Variants in MEGF6 observed in about 807,000 individuals in gnomAD.
The protein encoded by MEGF6 is multiple EGF like domains 6, also known as multiple epidermal growth factor-like domains protein 6.
MEGF6 carries 184 observed loss-of-function variants against 207.1 expected under a neutral mutation model. The ratio of observed to expected loss-of-function variants is 0.89; its 90% CI spans 0.79 to 1.00. MEGF6 has a LOEUF of 1.00. MEGF6 is among the 50% of genes least tolerant of loss of function. The probability of loss-of-function intolerance (pLI) is 0.00; values close to 1 mark genes in which losing one functional copy is unlikely to be tolerated. For synonymous variants in MEGF6, 1,038 were observed against 910.0 expected, an observed-to-expected ratio of 1.14 and a Z score of -2.53; for missense variants, 2,282 against 2,202.9, an observed-to-expected ratio of 1.04 and a Z score of -0.72.
chr1:3,499,106 C>T (rs1265680714), intron 24 of MEGF6, 32 bp downstream of exon 24: 5 of 1,595,380 alleles, frequency 3.1e-6, no homozygotes, highest in South Asian at 2.3e-5. Context: ...CAGGCCTGGA[C>T]CCCGGTCCCT....
rs187800202 is a variant in MEGF6 at position 3,508,373 on chromosome 1, A to G, written c.1660+185T>C. ...TACTGCCTGGAACAGTGCGTGGCAT[A>G]GAGTGGACAGTCAGGGGATGTTTAT... On this transcript the variant is annotated intron_variant, in intron 13 of 36. Transcript: ENST00000356575. Among the ~76,000 whole-genome samples the G allele has an allele frequency of 1.8e-4, 28 of 152,316 alleles. No homozygotes were observed. In the East Asian group the frequency reaches 3.9e-3, roughly 21 times the overall value.
chr1:3,542,986 G>C (rs1410859792), intron 4 of MEGF6, among the ~76,000 whole-genome samples: 1 of 152,184 alleles, frequency 6.6e-6, no homozygotes, highest in Non-Finnish European at 1.5e-5. Context: ...GGGCCTGGGA[G>C]GAGGGTGGGC....
In MEGF6 at chr1:3,490,187, C is replaced by A. The variant is rs182917441; in HGVS notation, c.*341G>T. The A allele has an allele frequency of 1.4e-3, 503 of 369,944 alleles. 1 individual carries two copies. Among genetic ancestry groups the A allele is most frequent in the Middle Eastern group, 2.8e-3 (4 of 1,404 alleles). The allele number at this position is 369,944 out of a possible 1,614,324, so 22.9% of individuals were successfully genotyped here. A position where few individuals can be genotyped will look rare whatever the true frequency, so the allele number is the denominator to read the frequency against. On this transcript the variant is annotated 3_prime_UTR_variant, in exon 37 of 37. Coordinates refer to ENST00000356575, the MANE Select transcript of MEGF6 (RefSeq NM_001409.4). ...GACAGTGGCCCTGTGCCTGCACCTG[C>A]GCCTGCACCCACACTGGCGCCCACA...
intron 3 of MEGF6, among the ~76,000 whole-genome samples, chr1:3,581,898 T>G (rs1643805830): frequency 6.6e-6 from 1 of 152,124 alleles, no homozygotes; most frequent in Admixed American, 6.5e-5. Flanking sequence ...CACCACCCTG[T>G]GTCCCTCCCC....
Position 3,519,806 on chromosome 1 carries a change from G to T in MEGF6, c.605-4279C>A, listed in dbSNP as rs184245360. Among the ~76,000 whole-genome samples the T allele has an allele frequency of 6.6e-5, 10 of 152,366 alleles. No individual in the cohort carries two copies. The South Asian group carries it at 1.0e-3, about 16-fold the overall frequency. Reference sequence around the variant, plus strand: ...AAGGAACCAAGGGGCCAGGGGAGGGGGTCTATGCAGCCTCTCACTGCTGTG... The same window carrying T: ...AAGGAACCAAGGGGCCAGGGGAGGGTGTCTATGCAGCCTCTCACTGCTGTG... On this transcript the variant is annotated intron_variant, in intron 5 of 36. Transcript: ENST00000356575.
chr1:3,603,347 C>T (rs114722427), intron 1 of MEGF6, among the ~76,000 whole-genome samples: 1,874 of 152,160 alleles, frequency 0.012, 28 homozygotes, highest in Non-Finnish European at 0.013. Flanking sequence ...GACAGCCACA[C>T]GGGCCAGCAC....
chr1:3,555,638 C>T (rs1643012203), intron 4 of MEGF6, among the ~76,000 whole-genome samples: 2 of 152,212 alleles, frequency 1.3e-5, no homozygotes, highest in Admixed American at 1.3e-4. Context: ...GGGAGCTGAA[C>T]CCGTCAGTGA....
At chr1:3,533,293 G>A (rs1376104877) in intron 4 of MEGF6, among the ~76,000 whole-genome samples, 2 of 152,190 alleles carry the variant, frequency 1.3e-5, no homozygotes, top group Admixed American at 1.3e-4. Flanking sequence ...CTGCAGAAAT[G>A]GGCCTGCCTG....
chr1:3,579,844 C>T lies in MEGF6; in HGVS notation c.462G>A (p.Gln154=). Residue 154 remains glutamine, a synonymous_variant, in exon 4 of 37, where the codon CAG becomes CAA. Transcript: ENST00000356575. The stretch of plus-strand genomic sequence containing the variant: ...ACTCACCATACTGACAGCGGGGTCC[C>T]TGGAAGCCGGGGGGACAGTGACACG... ...AQPCHCPPGF[Q]GPRCQYDVDE... is the part of the protein sequence containing the mutation. 2 of 1,531,114 alleles carry T rather than the reference C, an allele frequency of 1.3e-6. No homozygotes were observed. The highest frequency in any genetic ancestry group is 2.3e-5 in the Admixed American group (1 of 43,636). The allele number at this position is 1,531,114 out of a possible 1,614,324, so 94.8% of individuals were successfully genotyped here. A position where few individuals can be genotyped will look rare whatever the true frequency, so the allele number is the denominator to read the frequency against.
rs1356229432 is a variant in MEGF6 at position 3,565,500 on chromosome 1, G to A, written c.481+14325C>T. 6.6e-6 allele frequency among the ~76,000 whole-genome samples: 1 copy of A among 152,212 alleles called. No homozygotes were observed. The highest frequency in any genetic ancestry group is 1.5e-5 in the Non-Finnish European group (1 of 68,020). On this transcript the variant is annotated intron_variant, in intron 4 of 36. Coordinates refer to ENST00000356575, the MANE Select transcript of MEGF6 (RefSeq NM_001409.4). The surrounding 1 kb of genome is among the most constrained non-coding windows in gnomAD (Gnocchi z 4.8). ...GGAGGCCCCTTCCAAGAGGGGTCCA[G>A]GGAGCAGGACCAGGAGCCTATCGGT...
intron 1 of MEGF6, among the ~76,000 whole-genome samples, chr1:3,605,419 C>T (rs1644230915): frequency 6.6e-6 from 1 of 151,956 alleles, no homozygotes; most frequent in African/African-American, 2.4e-5. Context: ...AACTCACAAT[C>T]ACTTTCACAC....
intron 24 of MEGF6, 103 bp downstream of exon 24, chr1:3,499,035 T>C: frequency 1.3e-6 from 2 of 1,499,172 alleles, no homozygotes; most frequent in Non-Finnish European, 9.0e-7. Flanking sequence ...TAACAGCCCC[T>C]TCCTCCCTCC....
intron 4 of MEGF6, among the ~76,000 whole-genome samples, chr1:3,561,692 C>G (rs1012572534): frequency 6.6e-6 from 1 of 152,182 alleles, no homozygotes; most frequent in Non-Finnish European, 1.5e-5. Context: ...CTGCCTCTTC[C>G]AGAAACGCAG....
intron 3 of MEGF6, among the ~76,000 whole-genome samples, chr1:3,585,027 A>G (rs560737936): frequency 1.3e-5 from 2 of 152,260 alleles, no homozygotes; most frequent in South Asian, 2.1e-4. Context: ...TGTAGGTGTG[A>G]GTGACACACG....
chr1:3,543,573 C>T (rs369132877), intron 4 of MEGF6, among the ~76,000 whole-genome samples: 1 of 152,186 alleles, frequency 6.6e-6, no homozygotes, highest in Non-Finnish European at 1.5e-5. Context: ...AACCCCCGGG[C>T]GGGAGGCGGG....
At chr1:3,543,674 CT>C (rs1642603563) in intron 4 of MEGF6, among the ~76,000 whole-genome samples, 1 of 152,260 alleles carries the variant, frequency 6.6e-6, no homozygotes, top group Non-Finnish European at 1.5e-5. Flanking sequence ...GCCGTCTAGC[CT>C]CCTGGCTGGC....
At chr1:3,574,236 G>A (rs889507571) in intron 4 of MEGF6, among the ~76,000 whole-genome samples, 3 of 151,906 alleles carry the variant, frequency 2.0e-5, no homozygotes, top group South Asian at 2.1e-4. Flanking sequence ...CCCCAGCAAC[G>A]CCTGGCTCCA....
At chr1:3,512,690 T>C (rs1641396485) in intron 7 of MEGF6, among the ~76,000 whole-genome samples, 1 of 152,240 alleles carries the variant, frequency 6.6e-6, no homozygotes, top group Admixed American at 6.5e-5. Flanking sequence ...GACTTGCTCC[T>C]CCTGGCCTCC....
intron 4 of MEGF6, among the ~76,000 whole-genome samples, chr1:3,532,755 G>A (rs1450656803): frequency 6.6e-6 from 1 of 152,248 alleles, no homozygotes; most frequent in African/African-American, 2.4e-5. Context: ...AGCAGGCCCT[G>A]TATGTGGGCA....
Sources: allele counts gnomAD v4.1 joint callset (sites outside exome capture counted in the v4.1 genomes callset), GRCh38; gene constraint gnomAD v4.1.1; non-coding constraint Gnocchi (gnomAD v3.1); transcripts MANE v1.5; gene names NCBI Gene and HGNC (gene_info 2026-07-23, HGNC 2026-07-21).